CTNNA2: variants seen among roughly 807,000 people sequenced by gnomAD.
CTNNA2 encodes the protein catenin alpha 2.
In CTNNA2, 42 loss-of-function variants were observed where a neutral mutation model predicts 101.0. The observed-to-expected ratio is 0.42, with a 90% confidence interval of 0.32 to 0.54. CTNNA2 has a LOEUF of 0.54. Ranked by LOEUF, CTNNA2 falls within the 20% of genes least tolerant of loss-of-function variation. The pLI is 0.14. For synonymous variants in CTNNA2, 450 were observed against 456.4 expected (o/e 0.99, Z 0.18); for missense variants, 871 against 1,223.1 (o/e 0.71, Z 4.29).
chr2:80,142,985 C>G (rs1252369900), intron 7 of CTNNA2, among the ~76,000 whole-genome samples: 1 of 152,098 alleles, frequency 6.6e-6, no homozygotes. Context: ...GAAACAGAAA[C>G]TAAGGACCCA....
intron 9 of CTNNA2, among the ~76,000 whole-genome samples, chr2:80,470,482 T>C (rs1685210684): frequency 6.6e-6 from 1 of 152,092 alleles, no homozygotes; most frequent in African/African-American, 2.4e-5. Context: ...GTCCCAAAAA[T>C]GTCATGAGTA....
At chr2:80,345,822 A>T (rs934946940) in intron 7 of CTNNA2, among the ~76,000 whole-genome samples, 2 of 152,028 alleles carry the variant, frequency 1.3e-5, no homozygotes, top group Admixed American at 1.3e-4. Flanking sequence ...ATCTTCTTAA[A>T]TTTTTCCAAG....
At chr2:79,925,597 A>C (rs1372344025) in intron 7 of CTNNA2, among the ~76,000 whole-genome samples, 2 of 152,148 alleles carry the variant, frequency 1.3e-5, no homozygotes, top group South Asian at 2.1e-4. Flanking sequence ...GAAAAAGCAA[A>C]ATTTGTTTTG....
chr2:79,542,397 T>C (rs1673481288), intron 1 of CTNNA2, among the ~76,000 whole-genome samples: 1 of 152,202 alleles, frequency 6.6e-6, no homozygotes, highest in Non-Finnish European at 1.5e-5. Flanking sequence ...CAAAAGTTAC[T>C]TTTCCTTTTT....
chr2:80,078,014 A>G (rs2148795721), intron 7 of CTNNA2, among the ~76,000 whole-genome samples: 1 of 152,368 alleles, frequency 6.6e-6, no homozygotes, highest in African/African-American at 2.4e-5. Flanking sequence ...TTCAGAAAAT[A>G]AAAGGTAGGG....
chr2:79,768,511 G>A (rs1023458441), intron 3 of CTNNA2, among the ~76,000 whole-genome samples: 1 of 151,542 alleles, frequency 6.6e-6, no homozygotes, highest in African/African-American at 2.4e-5. Flanking sequence ...CCACCATCTT[G>A]CTCTGCCTCC....
intron 1 of CTNNA2, among the ~76,000 whole-genome samples, chr2:79,562,097 A>G (rs895014496): frequency 2.6e-5 from 4 of 151,898 alleles, no homozygotes; most frequent in African/African-American, 9.7e-5. Flanking sequence ...TTTTACTTCT[A>G]TATTTATAGA....
chr2:80,316,625 T>C (rs927908015), intron 7 of CTNNA2, among the ~76,000 whole-genome samples: 5 of 152,174 alleles, frequency 3.3e-5, no homozygotes, highest in African/African-American at 1.2e-4. Context: ...GAAAAAGCAA[T>C]TTTGCATTAA....
intron 3 of CTNNA2, among the ~76,000 whole-genome samples, chr2:79,316,677 A>C (rs1364411099): frequency 6.6e-6 from 1 of 151,696 alleles, no homozygotes; most frequent in African/African-American, 2.4e-5. Flanking sequence ...TTTTAATATA[A>C]TTATAAATTG....
intron 7 of CTNNA2, among the ~76,000 whole-genome samples, chr2:80,311,109 C>T (rs1450720667): frequency 1.3e-5 from 2 of 151,754 alleles, no homozygotes; most frequent in South Asian, 2.1e-4. Context: ...TTTGTCTGCT[C>T]TTATTTATTA....
At chr2:79,584,089 C>A (rs1036965327) in intron 1 of CTNNA2, among the ~76,000 whole-genome samples, 1 of 152,014 alleles carries the variant, frequency 6.6e-6, no homozygotes, top group Non-Finnish European at 1.5e-5. Flanking sequence ...CTGCCTCCAT[C>A]GTAAAGTTGC....
intron 3 of CTNNA2, among the ~76,000 whole-genome samples, chr2:79,338,766 G>A (rs1573094711): frequency 6.6e-6 from 1 of 151,964 alleles, no homozygotes; most frequent in African/African-American, 2.4e-5. Context: ...TCTGGCCTAG[G>A]GTAGTGGTCA....
chr2:80,430,774 G>C (rs1236442110), intron 9 of CTNNA2, among the ~76,000 whole-genome samples: 2 of 152,060 alleles, frequency 1.3e-5, no homozygotes, highest in African/African-American at 4.8e-5. Context: ...AAAATATTTG[G>C]TCTTTTGTTA....
intron 3 of CTNNA2, among the ~76,000 whole-genome samples, chr2:79,785,591 T>G (rs1196915850): frequency 6.6e-6 from 1 of 152,186 alleles, no homozygotes; most frequent in Non-Finnish European, 1.5e-5. Context: ...AAGCTGTATT[T>G]ATAATTTGTT....
intron 8 of CTNNA2, among the ~76,000 whole-genome samples, chr2:80,406,084 G>A (rs995608278): frequency 1.3e-5 from 2 of 152,168 alleles, no homozygotes; most frequent in Non-Finnish European, 2.9e-5. Flanking sequence ...TGGGCCACGC[G>A]CGGTGGCTCA....
intron 18 of CTNNA2, among the ~76,000 whole-genome samples, chr2:80,624,202 G>A (rs1671433744): frequency 6.6e-6 from 1 of 151,170 alleles, no homozygotes; most frequent in African/African-American, 2.4e-5. Context: ...GTATTCTTTT[G>A]TAGGGCCATT....
chr2:79,536,133 G>A (rs1465292110), intron 1 of CTNNA2, among the ~76,000 whole-genome samples: 1 of 152,158 alleles, frequency 6.6e-6, no homozygotes, highest in African/African-American at 2.4e-5. Flanking sequence ...GGGAAGAGAA[G>A]TTACCAAAAA....
chr2:80,283,079 T>C (rs1316337914), intron 7 of CTNNA2, among the ~76,000 whole-genome samples: 1 of 152,086 alleles, frequency 6.6e-6, no homozygotes, highest in Non-Finnish European at 1.5e-5. Flanking sequence ...ATTTAAAAAG[T>C]CATGTAAATC....
intron 2 of CTNNA2, among the ~76,000 whole-genome samples, chr2:79,709,092 T>C (rs1227881675): frequency 6.6e-6 from 1 of 152,174 alleles, no homozygotes; most frequent in African/African-American, 2.4e-5. Context: ...CCTATACTGG[T>C]CCTTACACAT....
Sources: allele counts gnomAD v4.1 joint callset (sites outside exome capture counted in the v4.1 genomes callset), GRCh38; gene constraint gnomAD v4.1.1; transcripts MANE v1.5; gene names NCBI Gene and HGNC (gene_info 2026-07-23, HGNC 2026-07-21).